FAT3: variants seen among roughly 807,000 people sequenced by gnomAD.
FAT3 encodes FAT atypical cadherin 3.
In FAT3, 95 loss-of-function variants were observed where a neutral mutation model predicts 310.2. That is an observed-to-expected ratio of 0.31 (90% CI 0.26 to 0.36). The LOEUF is 0.36. FAT3 is among the 10% of genes least tolerant of loss of function. The pLI, the probability that FAT3 is intolerant of heterozygous loss-of-function variation, is 1.00. For missense variants in FAT3, 5,408 were observed against 5,715.6 expected (o/e 0.95, Z 1.74); for synonymous variants, 2,314 against 2,192.9 (o/e 1.06, Z -1.54).
intron 3 of FAT3, among the ~76,000 whole-genome samples, chr11:92,611,688 C>T (rs1160507297): frequency 6.6e-6 from 1 of 152,118 alleles, no homozygotes; most frequent in Admixed American, 6.5e-5. Context: ...ACCACTGTAC[C>T]CTGGCCCACC....
chr11:92,799,678 T>C lies in FAT3; in HGVS notation c.6665T>C (p.Ile2222Thr), dbSNP rs1947277983. The change falls in exon 10 of 28, where the codon ATT (isoleucine) becomes ACT (threonine). Residue 2222 changes from isoleucine (I) to threonine (T), a missense_variant. Ile to Thr is a moderately conservative substitution (Grantham distance 89). Coordinates refer to ENST00000525166, the MANE Select transcript of FAT3 (RefSeq NM_001367949.2). ...GAAGGCCAAGGCATCATATATATCA[T>C]TATCGATGGGGACCCTTTTAAACAG... ...SPEGQGIIYIIIDGDPFKQFN... is the reference protein window; with the variant it reads ...SPEGQGIIYITIDGDPFKQFN... 1.2e-6 allele frequency: 2 copies of C among 1,613,544 alleles called. No individual in the cohort carries two copies. The highest frequency in any genetic ancestry group is 1.1e-5 in the South Asian group (1 of 90,990).
At chr11:92,347,047 G>A (rs1488091374) in intron 1 of FAT3, among the ~76,000 whole-genome samples, 1 of 152,148 alleles carries the variant, frequency 6.6e-6, no homozygotes, top group Non-Finnish European at 1.5e-5. Context: ...ATCCTATTCG[G>A]TAGGCATTAT....
At chr11:92,551,043 ATGAGGC>A (rs1954797312) in intron 3 of FAT3, among the ~76,000 whole-genome samples, 1 of 151,978 alleles carries the variant, frequency 6.6e-6, no homozygotes, top group Non-Finnish European at 1.5e-5. Context: ...TCTGGCCAAG[ATGAGGC>A]TGAGTCTCAG....
At chr11:92,615,256 A>G (rs1428644467) in intron 3 of FAT3, among the ~76,000 whole-genome samples, 1 of 151,872 alleles carries the variant, frequency 6.6e-6, no homozygotes, top group Non-Finnish European at 1.5e-5. Flanking sequence ...TATTTACTTA[A>G]TTTTTTTGAG....
chr11:92,344,808 C>T lies in FAT3; in HGVS notation c.-17-7288C>T, dbSNP rs547292194. 2.6e-5 allele frequency among the ~76,000 whole-genome samples: 4 copies of T among 152,188 alleles called. No individual in the cohort carries two copies. In the East Asian group the frequency reaches 5.8e-4, roughly 22 times the overall value. The stretch of plus-strand genomic sequence containing the variant: ...GTAACACATCCCGATTGATGGCAAT[C>T]GGGTTTGGTTTCAGGCATTCACTGG... On this transcript the variant is annotated intron_variant, in intron 1 of 27. Coordinates refer to ENST00000525166, the MANE Select transcript of FAT3 (RefSeq NM_001367949.2).
At chr11:92,837,024 A>G (rs1320328279) in intron 16 of FAT3, among the ~76,000 whole-genome samples, 1 of 152,174 alleles carries the variant, frequency 6.6e-6, no homozygotes, top group Non-Finnish European at 1.5e-5. Flanking sequence ...TGACTTTATG[A>G]GCAACTTTAG....
At chr11:92,600,854 G>T (rs1305876219) in intron 3 of FAT3, among the ~76,000 whole-genome samples, 1 of 152,170 alleles carries the variant, frequency 6.6e-6, no homozygotes, top group East Asian at 1.9e-4. Flanking sequence ...GGTTGGGGAA[G>T]GCACCTTCTC....
Position 92,801,416 on chromosome 11 carries a change from T to C in FAT3, c.8403T>C (p.Asp2801=). 6.2e-7 allele frequency: 1 copy of C among 1,613,948 alleles called. No homozygotes were observed. Among genetic ancestry groups the C allele is most frequent in the Non-Finnish European group, 8.5e-7 (1 of 1,179,864 alleles). Residue 2801 remains aspartate (D), a synonymous_variant, in exon 10 of 28, where the codon GAT becomes GAC. Transcript: ENST00000525166. ...ACATTGTGTTTACTGTGGATGTAGA[T>C]ATCAAGGTATTGGATTTGAATGACA... ...KVDIVFTVDV[D]IKVLDLNDNK...
chr11:92,797,975 T>C lies in FAT3; in HGVS notation c.4962T>C (p.Thr1654=). The C allele has an allele frequency of 6.2e-7, 1 of 1,613,960 alleles. No homozygotes were observed. Among genetic ancestry groups the C allele is most frequent in the African/African-American group, 1.3e-5 (1 of 75,050 alleles). ...TDQGSPPMSA[T]AIVRISVTMS... ...AGGGATCCCCGCCAATGTCTGCTACTGCAATTGTGCGCATTTCCGTCACCA... is the reference window on the plus strand; with the variant it reads ...AGGGATCCCCGCCAATGTCTGCTACCGCAATTGTGCGCATTTCCGTCACCA... Residue 1654 remains threonine, a synonymous_variant, in exon 10 of 28, where the codon ACT becomes ACC. Transcript: ENST00000525166.
At chr11:92,725,114 GTAAGC>G (rs1458106529) in intron 4 of FAT3, among the ~76,000 whole-genome samples, 3 of 152,180 alleles carry the variant, frequency 2.0e-5, no homozygotes, top group Non-Finnish European at 4.4e-5. Flanking sequence ...AACGTATCTG[GTAAGC>G]TACCTACCAA....
intron 4 of FAT3, among the ~76,000 whole-genome samples, chr11:92,720,357 A>G (rs1173468216): frequency 6.6e-6 from 1 of 152,206 alleles, no homozygotes; most frequent in African/African-American, 2.4e-5. Context: ...CATTGCTAAT[A>G]CCATTGCTTT....
intron 1 of FAT3, among the ~76,000 whole-genome samples, chr11:92,262,924 G>A (rs551934743): frequency 6.6e-6 from 1 of 151,794 alleles, no homozygotes; most frequent in East Asian, 1.9e-4. Context: ...TCGTCAAGGT[G>A]GCTACCGAAA....
At chr11:92,240,670 A>G (rs1457659144) in intron 1 of FAT3, among the ~76,000 whole-genome samples, 1 of 151,728 alleles carries the variant, frequency 6.6e-6, no homozygotes, top group Non-Finnish European at 1.5e-5. Context: ...AGGTTGTAAC[A>G]GATACATTTT....
intron 2 of FAT3, among the ~76,000 whole-genome samples, chr11:92,488,932 A>G (rs1244912794): frequency 6.6e-6 from 1 of 152,128 alleles, no homozygotes; most frequent in Non-Finnish European, 1.5e-5. Context: ...AGCACAGGTT[A>G]CTTCATAAAA....
chr11:92,349,936 G>T (rs755604320), intron 1 of FAT3, among the ~76,000 whole-genome samples: 3 of 151,042 alleles, frequency 2.0e-5, no homozygotes, highest in African/African-American at 7.3e-5. Flanking sequence ...GCATTTGCAT[G>T]CTCAGGGTTT....
At chr11:92,810,188 G>A (rs983663462) in intron 13 of FAT3, 112 bp downstream of exon 13, 14 of 914,950 alleles carry the variant, frequency 1.5e-5, no homozygotes, top group Admixed American at 9.9e-5. Context: ...TCTTTACCAC[G>A]AGAACATGTA....
At chr11:92,398,246 A>T (rs1949923981) in intron 2 of FAT3, among the ~76,000 whole-genome samples, 1 of 151,970 alleles carries the variant, frequency 6.6e-6, no homozygotes, top group African/African-American at 2.4e-5. Context: ...CACACCTGTA[A>T]TCCAAGCACT....
chr11:92,799,192 T>G lies in FAT3; in HGVS notation c.6179T>G (p.Leu2060Arg). The change falls in exon 10 of 28, where the codon CTG becomes CGG. Residue 2060 changes from leucine (L) to arginine (R), a missense_variant. Coordinates refer to ENST00000525166, the MANE Select transcript of FAT3 (RefSeq NM_001367949.2). ...CTGGTGGTAGAAGCCAGCCGTGAGCTGGACCATCTGCGTGTGGCCAGAGTG... is the reference window on the plus strand; with the variant it reads ...CTGGTGGTAGAAGCCAGCCGTGAGCGGGACCATCTGCGTGTGGCCAGAGTG... ...YELVVEASRE[L>R]DHLRVARVVV... 1 of 1,613,994 alleles carries G rather than the reference T, an allele frequency of 6.2e-7. No individual in the cohort carries two copies. Among genetic ancestry groups the G allele is most frequent in the Non-Finnish European group, 8.5e-7 (1 of 1,179,876 alleles).
intron 3 of FAT3, among the ~76,000 whole-genome samples, chr11:92,577,832 T>C (rs1938567145): frequency 6.6e-6 from 1 of 152,126 alleles, no homozygotes; most frequent in African/African-American, 2.4e-5. Context: ...TTTTTTTCTT[T>C]TTGTGATATG....
Sources: gnomAD v4.1 joint callset for allele counts (sites outside exome capture counted in the v4.1 genomes callset) on GRCh38, gnomAD v4.1.1 for gene constraint, MANE v1.5 for transcripts, NCBI Gene and HGNC (gene_info 2026-07-23, HGNC 2026-07-21) for gene names.